The following CSMD3 variants were observed in gnomAD, a reference collection of about 807,000 sequenced individuals.
The protein encoded by CSMD3 is CUB and Sushi multiple domains 3.
CSMD3 carries 177 observed loss-of-function variants against 435.2 expected under a neutral mutation model. The observed-to-expected ratio is 0.41, with a 90% CI of 0.36 to 0.46. CSMD3 has a LOEUF of 0.46. Ranked by LOEUF, CSMD3 falls within the 20% of genes least tolerant of loss-of-function variation. The pLI, the probability that CSMD3 is intolerant of heterozygous loss-of-function variation, is 0.34. For missense variants in CSMD3, 4,265 were observed against 4,504.6 expected (o/e 0.95, Z 1.52); for synonymous variants, 1,656 against 1,520.5 (o/e 1.09, Z -2.07).
chr8:113,127,378 A>G (rs1255857305), intron 4 of CSMD3, among the ~76,000 whole-genome samples: 1 of 152,084 alleles, frequency 6.6e-6, no homozygotes, highest in Non-Finnish European at 1.5e-5. Flanking sequence ...TCCTTCATTT[A>G]ATCAGCCATC....
intron 13 of CSMD3, among the ~76,000 whole-genome samples, chr8:112,707,566 A>T (rs1225047298): frequency 2.0e-5 from 3 of 151,974 alleles, no homozygotes; most frequent in African/African-American, 7.2e-5. Context: ...CAATTTGGAA[A>T]ATTGGTGATG....
chr8:112,274,043 A>G (rs1365807549), intron 59 of CSMD3, among the ~76,000 whole-genome samples: 1 of 152,050 alleles, frequency 6.6e-6, no homozygotes, highest in African/African-American at 2.4e-5. Context: ...ATGAACTGAT[A>G]CTTAAAAGGT....
At chr8:112,368,158 T>C (rs1827968230) in intron 38 of CSMD3, among the ~76,000 whole-genome samples, 2 of 152,126 alleles carry the variant, frequency 1.3e-5, no homozygotes, top group Non-Finnish European at 2.9e-5. Flanking sequence ...CATTCTCATA[T>C]CTATCTTTAA....
intron 20 of CSMD3, among the ~76,000 whole-genome samples, chr8:112,639,565 T>C (rs2074760953): frequency 6.6e-6 from 1 of 152,168 alleles, no homozygotes; most frequent in African/African-American, 2.4e-5. Flanking sequence ...GCCTTCTTTA[T>C]AAAACTTTTC....
intron 3 of CSMD3, among the ~76,000 whole-genome samples, chr8:113,271,747 G>A (rs1192706496): frequency 6.6e-6 from 1 of 152,124 alleles, no homozygotes; most frequent in African/African-American, 2.4e-5. Context: ...GCTGTGAGAA[G>A]AGGGCCACCA....
chr8:112,584,994 C>A (rs1234579292), intron 23 of CSMD3, among the ~76,000 whole-genome samples: 1 of 151,366 alleles, frequency 6.6e-6, no homozygotes, highest in East Asian at 1.9e-4. Context: ...TTGTATATAA[C>A]TAAATGTTTC....
At chr8:113,246,606 C>T (rs983090634) in intron 3 of CSMD3, among the ~76,000 whole-genome samples, 1 of 151,828 alleles carries the variant, frequency 6.6e-6, no homozygotes, top group Non-Finnish European at 1.5e-5. Flanking sequence ...TACTTTTTTC[C>T]TATTATGGGC....
At chr8:112,846,225 T>C (rs947939521) in intron 11 of CSMD3, among the ~76,000 whole-genome samples, 12 of 151,814 alleles carry the variant, frequency 7.9e-5, no homozygotes, top group Admixed American at 4.6e-4. Flanking sequence ...TTAAAAAAGA[T>C]AATTCTTTTT....
At chr8:112,434,205 C>T (rs2130430985) in intron 32 of CSMD3, among the ~76,000 whole-genome samples, 1 of 152,092 alleles carries the variant, frequency 6.6e-6, no homozygotes, top group South Asian at 2.1e-4. Context: ...TAACTTTGGA[C>T]AAGTTAATGA....
At chr8:112,314,892 G>A (rs7845628) in intron 47 of CSMD3, among the ~76,000 whole-genome samples, 1 of 151,506 alleles carries the variant, frequency 6.6e-6, no homozygotes, top group Non-Finnish European at 1.5e-5. Context: ...GCCATTTAAT[G>A]CCTCCTCTTT....
At chr8:113,216,984 C>T (rs1422659840) in intron 3 of CSMD3, among the ~76,000 whole-genome samples, 1 of 151,738 alleles carries the variant, frequency 6.6e-6, no homozygotes, top group African/African-American at 2.4e-5. Context: ...GAACAAAAAA[C>T]AATAAAACTT....
intron 1 of CSMD3, among the ~76,000 whole-genome samples, chr8:113,366,217 G>A (rs1029878750): frequency 2.6e-5 from 4 of 151,938 alleles, no homozygotes; most frequent in African/African-American, 9.7e-5. Context: ...GCAGGAGACA[G>A]AATCTCTTTG....
chr8:113,030,837 T>C (rs993324633), intron 5 of CSMD3, among the ~76,000 whole-genome samples: 1 of 151,010 alleles, frequency 6.6e-6, no homozygotes, highest in Non-Finnish European at 1.5e-5. Context: ...AAGAAAAAAA[T>C]TCACAAAATA....
chr8:113,299,099 C>G (rs2093743990), intron 2 of CSMD3, among the ~76,000 whole-genome samples: 1 of 152,056 alleles, frequency 6.6e-6, no homozygotes, highest in South Asian at 2.1e-4. Context: ...TAAATATTAG[C>G]CAAAAGCGTG....
At chr8:113,055,833 G>T (rs1364551307) in intron 5 of CSMD3, among the ~76,000 whole-genome samples, 2 of 152,106 alleles carry the variant, frequency 1.3e-5, no homozygotes, top group Non-Finnish European at 2.9e-5. Context: ...TATTTATCAA[G>T]TTGAGGTACT....
intron 1 of CSMD3, among the ~76,000 whole-genome samples, chr8:113,332,606 T>A (rs1294441542): frequency 6.6e-6 from 1 of 151,716 alleles, no homozygotes; most frequent in Non-Finnish European, 1.5e-5. Flanking sequence ...ACTACAAAAA[T>A]TGTTGAAAGA....
chr8:112,682,395 T>G (rs373595593), intron 16 of CSMD3, 47 bp downstream of exon 16: 43 of 1,372,968 alleles, frequency 3.1e-5, no homozygotes, highest in Non-Finnish European at 4.4e-5. Flanking sequence ...TGGTTTCTTG[T>G]ACATAATGAT....
chr8:113,099,231 T>C (rs1346277110), intron 4 of CSMD3, among the ~76,000 whole-genome samples: 1 of 152,034 alleles, frequency 6.6e-6, no homozygotes, highest in African/African-American at 2.4e-5. Flanking sequence ...ACTCTAAAAT[T>C]AGACATTAGG....
chr8:113,129,381 C>A (rs2091226356), intron 4 of CSMD3, among the ~76,000 whole-genome samples: 1 of 152,020 alleles, frequency 6.6e-6, no homozygotes, highest in African/African-American at 2.4e-5. Context: ...CTTCAGAGAT[C>A]CAATGATAAG....
Sources: allele counts gnomAD v4.1 joint callset (sites outside exome capture counted in the v4.1 genomes callset), GRCh38; gene constraint gnomAD v4.1.1; transcripts MANE v1.5; gene names NCBI Gene and HGNC (gene_info 2026-07-23, HGNC 2026-07-21).